Variants in GLOD4 observed in about 807,000 individuals in gnomAD.
GLOD4 encodes glyoxalase domain containing 4, also known as glyoxalase domain-containing protein 4.
Under a neutral mutation model 39.1 loss-of-function variants are expected in GLOD4, and 44 were observed. That is an observed-to-expected ratio of 1.13 (90% CI 0.88 to 1.45). GLOD4 has a LOEUF of 1.45. Ranked by LOEUF, GLOD4 falls within the 40% of genes most tolerant of loss-of-function variation. The pLI, the probability that GLOD4 is intolerant of heterozygous loss-of-function variation, is 0.00. For synonymous variants in GLOD4, 145 were observed against 135.0 expected, an observed-to-expected ratio of 1.07 and a Z score of -0.52; for missense variants, 405 against 366.4, an observed-to-expected ratio of 1.11 and a Z score of -0.86.
In GLOD4 at chr17:778,040, G is replaced by C. The variant is rs190416751; in HGVS notation, c.140+655C>G. On this transcript the variant is annotated intron_variant, in intron 2 of 8. Coordinates refer to ENST00000301329, the MANE Select transcript of GLOD4 (RefSeq NM_016080.4). ...CTGAACGTAGGGAGGTGCTGGATTGGAGCCTGCCCAGAAGAGCATGGAAGC... is the reference window on the plus strand; with the variant it reads ...CTGAACGTAGGGAGGTGCTGGATTGCAGCCTGCCCAGAAGAGCATGGAAGC... Among the ~76,000 whole-genome samples the C allele has an allele frequency of 1.0e-3, 155 of 152,306 alleles. 2 individuals are homozygous for C. The highest frequency in any genetic ancestry group is 3.7e-3 in the African/African-American group (152 of 41,558).
intron 8 of GLOD4, 73 bp from the exon 9 acceptor site, chr17:760,311 A>C: frequency 2.5e-6 from 2 of 803,368 alleles, no homozygotes; most frequent in Non-Finnish European, 4.4e-6. Flanking sequence ...TTTATATCTC[A>C]CTGTACTGAC....
intron 8 of GLOD4, among the ~76,000 whole-genome samples, chr17:769,341 C>G (rs1159740807): frequency 6.8e-6 from 1 of 147,310 alleles, no homozygotes; most frequent in Middle Eastern, 3.5e-3. Context: ...ATGGAGGCAT[C>G]TCCATGCGGA....
chr17:778,393 G>A (rs1909310390), intron 2 of GLOD4: 1 of 498,462 alleles, frequency 2.0e-6, no homozygotes. Context: ...CAGCCGGCTG[G>A]TGTTAGAGAG....
At chr17:778,264 C>G (rs1466017271) in intron 2 of GLOD4, 1 of 275,282 alleles carries the variant, frequency 3.6e-6, no homozygotes. Flanking sequence ...ATCGGAAATC[C>G]TGAAGATCCA....
intron 8 of GLOD4, among the ~76,000 whole-genome samples, chr17:765,911 G>C (rs1044472415): frequency 6.6e-6 from 1 of 151,246 alleles, no homozygotes; most frequent in Admixed American, 6.6e-5. Context: ...ACCTGAGATC[G>C]CGCCACTGCA....
At chr17:767,787 A>G (rs1420063904) in intron 8 of GLOD4, among the ~76,000 whole-genome samples, 1 of 147,956 alleles carries the variant, frequency 6.8e-6, no homozygotes, top group African/African-American at 2.5e-5. Context: ...TGTGAGAGAG[A>G]GAAACAGCGC....
intron 1 of GLOD4, 186 bp downstream of exon 1, chr17:781,980 C>T (rs898934359): frequency 5.1e-6 from 3 of 588,960 alleles, no homozygotes; most frequent in Admixed American, 6.0e-5. Flanking sequence ...TTAGGCCCTT[C>T]TCCAAGGCCT....
intron 8 of GLOD4, among the ~76,000 whole-genome samples, chr17:765,931 G>A (rs762693239): frequency 4.7e-5 from 7 of 148,848 alleles, no homozygotes; most frequent in Non-Finnish European, 7.5e-5. Context: ...ACTCCAGCCT[G>A]GGCAAGAGAG....
intron 6 of GLOD4, 82 bp from the exon 7 acceptor site, chr17:770,239 G>A (rs767800783): frequency 2.5e-6 from 2 of 802,976 alleles, no homozygotes; most frequent in Non-Finnish European, 4.3e-6. Flanking sequence ...AGGAGTATCA[G>A]ATACCATAAA....
At chr17:772,888 A>C (rs974200608) in intron 4 of GLOD4, among the ~76,000 whole-genome samples, 1 of 151,812 alleles carries the variant, frequency 6.6e-6, no homozygotes, top group African/African-American at 2.4e-5. Flanking sequence ...CCAGCTACTC[A>C]GGAGGCTGAG....
intron 4 of GLOD4, among the ~76,000 whole-genome samples, chr17:772,994 CAAA>C (rs1351462844): frequency 2.8e-5 from 3 of 106,390 alleles, no homozygotes; most frequent in Non-Finnish European, 2.0e-5. Context: ...GACTCTGTCT[CAAA>C]AAAAAAAAAA....
At chr17:773,926 G>A (rs564318194) in intron 4 of GLOD4, among the ~76,000 whole-genome samples, 8 of 152,264 alleles carry the variant, frequency 5.3e-5, no homozygotes, top group African/African-American at 1.9e-4. Context: ...CCGGACAGAA[G>A]GTCTGACCAC....
chr17:780,143 G>C (rs559446750), intron 1 of GLOD4, among the ~76,000 whole-genome samples: 1 of 151,888 alleles, frequency 6.6e-6, no homozygotes, highest in Non-Finnish European at 1.5e-5. Context: ...CAGCCTGGGC[G>C]AAAGAGCGAG....
In GLOD4 at chr17:770,520, AG is replaced by A; in HGVS notation, c.544-14del. The A allele has an allele frequency of 7.5e-7, 1 of 1,332,254 alleles. No homozygotes were observed. Among genetic ancestry groups the A allele is most frequent in the South Asian group, 1.2e-5 (1 of 85,648 alleles). The allele number at this position is 1,332,254 out of a possible 1,614,324, so 82.5% of individuals were successfully genotyped here. A position where few individuals can be genotyped will look rare whatever the true frequency, so the allele number is the denominator to read the frequency against. On this transcript the variant is annotated splice_polypyrimidine_tract_variant and intron_variant, in intron 5 of 8. Transcript: ENST00000301329. Reference sequence around the variant, plus strand: ...GCTCCAGCTTACACTGAAATAGGAAAGGGGGTTATTTTTTGGAACAGGTTAT... The same window carrying A: ...GCTCCAGCTTACACTGAAATAGGAAAGGGGTTATTTTTTGGAACAGGTTAT...
At chr17:778,852 C>T (rs752525862) in intron 1 of GLOD4, 108 bp from the exon 2 acceptor site, 20 of 660,372 alleles carry the variant, frequency 3.0e-5, no homozygotes, top group Non-Finnish European at 4.8e-5. Flanking sequence ...ATAAGCTTTA[C>T]TTGTAAAAGA....
chr17:762,439 CGTG>C (rs1905629414), intron 8 of GLOD4, among the ~76,000 whole-genome samples: 1 of 148,754 alleles, frequency 6.7e-6, no homozygotes, highest in Admixed American at 6.7e-5. Flanking sequence ...CTACTCAGTG[CGTG>C]ATCTTCAGGG....
chr17:771,150 G>A, intron 5 of GLOD4, 175 bp downstream of exon 5: 2 of 482,280 alleles, frequency 4.1e-6, no homozygotes, highest in Non-Finnish European at 7.4e-6. Flanking sequence ...ATATCTGGGT[G>A]GTAAGGTTAT....
At chr17:777,857 T>C (rs532627824) in intron 2 of GLOD4, among the ~76,000 whole-genome samples, 1 of 152,140 alleles carries the variant, frequency 6.6e-6, no homozygotes, top group African/African-American at 2.4e-5. Flanking sequence ...TGACTTAGAG[T>C]GGGGCCTCTA....
At chr17:774,054 T>TG (rs1448284752) in intron 4 of GLOD4, among the ~76,000 whole-genome samples, 2 of 152,038 alleles carry the variant, frequency 1.3e-5, no homozygotes, top group Non-Finnish European at 2.9e-5. Flanking sequence ...AGAGAAAAAA[T>TG]GGATGGTGGA....
Sources: allele counts gnomAD v4.1 joint callset (sites outside exome capture counted in the v4.1 genomes callset), GRCh38; gene constraint gnomAD v4.1.1; transcripts MANE v1.5; gene names NCBI Gene and HGNC (gene_info 2026-07-23, HGNC 2026-07-21).